IL1RAPL2: variants seen among roughly 807,000 people sequenced by gnomAD.
The protein encoded by IL1RAPL2 is interleukin 1 receptor accessory protein like 2, also known as X-linked interleukin-1 receptor accessory protein-like 2.
In IL1RAPL2, 3 loss-of-function variants were observed where a neutral mutation model predicts 44.1. The ratio of observed to expected loss-of-function variants is 0.07; its 90% CI spans 0.03 to 0.18. The LOEUF (loss-of-function observed/expected upper bound fraction) is 0.18. IL1RAPL2 is among the 10% of genes least tolerant of loss of function. The pLI is 1.00. For synonymous variants in IL1RAPL2, 181 were observed against 178.8 expected, an observed-to-expected ratio of 1.01 and a Z score of -0.10; for missense variants, 391 against 496.4, an observed-to-expected ratio of 0.79 and a Z score of 2.02.
chrX:105,209,833 GA>G (rs1191055229), intron 3 of IL1RAPL2, among the ~76,000 whole-genome samples: 3 of 110,221 alleles, frequency 2.7e-5, no homozygotes, highest in East Asian at 2.9e-4. Flanking sequence ...ATGTTTTACT[GA>G]AAAAAAAAGT....
In IL1RAPL2 at chrX:105,414,937, TG is replaced by T. The variant is rs1338802344; in HGVS notation, c.698-69375del. The stretch of plus-strand genomic sequence containing the variant: ...ATAATCAAATAAGATAATGTTTATG[TG>T]AACACATTATAAGCTATAATTTACT... On this transcript the variant is annotated intron_variant, in intron 5 of 10. Transcript: ENST00000372582. Among the ~76,000 whole-genome samples the T allele has an allele frequency of 5.3e-5, 6 of 112,318 alleles. No individual in the cohort carries two copies. The East Asian group carries it at 1.7e-3, about 31-fold the overall frequency.
intron 10 of IL1RAPL2, among the ~76,000 whole-genome samples, chrX:105,756,845 G>T (rs766656537): frequency 9.0e-6 from 1 of 111,085 alleles, no homozygotes; most frequent in African/African-American, 3.3e-5. Context: ...ATTCTTCTGT[G>T]TCTTTCTCCC....
chrX:104,910,596 A>C (rs1179739791), intron 2 of IL1RAPL2, among the ~76,000 whole-genome samples: 9 of 111,550 alleles, frequency 8.1e-5, no homozygotes, highest in African/African-American at 2.9e-4. Flanking sequence ...AATGTATTTT[A>C]AATACCTGAG....
intron 5 of IL1RAPL2, among the ~76,000 whole-genome samples, chrX:105,296,569 CTG>C (rs2034656017): frequency 8.9e-6 from 1 of 112,375 alleles, no homozygotes; most frequent in African/African-American, 3.2e-5. Flanking sequence ...TGACACAGTT[CTG>C]TCTTTTTCTT....
At chrX:104,645,797 G>A (rs745797302) in intron 1 of IL1RAPL2, among the ~76,000 whole-genome samples, 18 of 112,492 alleles carry the variant, frequency 1.6e-4, no homozygotes, top group Non-Finnish European at 3.0e-4. Flanking sequence ...GATCTTAGGA[G>A]CAAATCAGAC....
At chrX:105,083,774 T>C (rs147316134) in intron 2 of IL1RAPL2, among the ~76,000 whole-genome samples, 2,283 of 112,091 alleles carry the variant, frequency 0.02, 65 homozygotes, top group African/African-American at 0.068. Flanking sequence ...TGCTGAGATT[T>C]TGTCCCCACC....
intron 2 of IL1RAPL2, among the ~76,000 whole-genome samples, chrX:105,147,766 A>C (rs1290975959): frequency 8.9e-6 from 1 of 111,906 alleles, no homozygotes; most frequent in Non-Finnish European, 1.9e-5. Flanking sequence ...ACATTGGTTC[A>C]ACTTCTTGAC....
intron 1 of IL1RAPL2, among the ~76,000 whole-genome samples, chrX:104,621,762 G>A (rs1929405777): frequency 9.0e-6 from 1 of 111,663 alleles, no homozygotes; most frequent in Admixed American, 9.6e-5. Context: ...AGACAGGAGA[G>A]AAATGAAGAG....
chrX:104,890,658 T>A lies in IL1RAPL2; in HGVS notation c.82+231663T>A, dbSNP rs185013293. Among the ~76,000 whole-genome samples the A allele has an allele frequency of 3.8e-3, 422 of 112,382 alleles. 4 individuals are homozygous for A. The highest frequency in any genetic ancestry group is 0.013 in the African/African-American group (399 of 30,954). On this transcript the variant is annotated intron_variant, in intron 2 of 10. Coordinates refer to ENST00000372582, the MANE Select transcript of IL1RAPL2 (RefSeq NM_017416.2). Reference sequence around the variant, plus strand: ...TTTGATGGGATTGTCTGTTTTTTTCTTGTAAATTTGTTTGAGTTCTTTGTA... The same window carrying A: ...TTTGATGGGATTGTCTGTTTTTTTCATGTAAATTTGTTTGAGTTCTTTGTA...
rs149950677 is a variant in IL1RAPL2, at chrX:105,580,362, G to GTTTTT, written c.772+95989_772+95993dup. Among the ~76,000 whole-genome samples the GTTTTT allele has an allele frequency of 1.1e-4, 9 of 84,628 alleles. 2 individuals are homozygous for GTTTTT. Among genetic ancestry groups the GTTTTT allele is most frequent in the Non-Finnish European group, 9.4e-5 (4 of 42,660 alleles). The allele number at this position is 84,628 out of a possible 115,157, so 73.5% of individuals were successfully genotyped here. A position where few individuals can be genotyped will look rare whatever the true frequency, so the allele number is the denominator to read the frequency against. ...AACTGATGTTAAGTGAACCCCCCGT[G>GTTTTT]TTTTTTTTTTTTTTTTTTGCATACT... On this transcript the variant is annotated intron_variant, in intron 6 of 10. Coordinates refer to ENST00000372582, the MANE Select transcript of IL1RAPL2 (RefSeq NM_017416.2).
chrX:105,481,894 C>T (rs1039957660), intron 5 of IL1RAPL2, among the ~76,000 whole-genome samples: 1 of 111,991 alleles, frequency 8.9e-6, no homozygotes, highest in Non-Finnish European at 1.9e-5. Flanking sequence ...CCTTTCCTTA[C>T]CCACCACAGT....
At chrX:105,264,146 A>G (rs982142389) in intron 4 of IL1RAPL2, among the ~76,000 whole-genome samples, 10 of 110,383 alleles carry the variant, frequency 9.1e-5, no homozygotes, top group African/African-American at 3.3e-4. Context: ...AATCATGGGG[A>G]TGGTTTCCCC....
intron 2 of IL1RAPL2, among the ~76,000 whole-genome samples, chrX:105,125,311 G>C (rs2032963917): frequency 9.1e-6 from 1 of 110,213 alleles, no homozygotes; most frequent in African/African-American, 3.3e-5. Flanking sequence ...GTATAATAAG[G>C]CATTAGAGCT....
chrX:105,479,614 C>G (rs955528255), intron 5 of IL1RAPL2, among the ~76,000 whole-genome samples: 1 of 109,590 alleles, frequency 9.1e-6, no homozygotes, highest in African/African-American at 3.3e-5. Context: ...TGGTGCATGC[C>G]TGTAATCCCA....
intron 1 of IL1RAPL2, among the ~76,000 whole-genome samples, chrX:104,628,351 C>T (rs1289578144): frequency 9.0e-6 from 1 of 110,862 alleles, no homozygotes; most frequent in African/African-American, 3.3e-5. Context: ...TCCCCTAACA[C>T]CCACCCTTCC....
intron 2 of IL1RAPL2, among the ~76,000 whole-genome samples, chrX:104,952,418 A>G: frequency 8.9e-6 from 1 of 112,183 alleles, no homozygotes; most frequent in Non-Finnish European, 1.9e-5. Context: ...CTTGATAGAT[A>G]AAAGAGAGAG....
chrX:104,687,840 C>T (rs1409955735), intron 2 of IL1RAPL2, among the ~76,000 whole-genome samples: 1 of 111,602 alleles, frequency 9.0e-6, no homozygotes, highest in Non-Finnish European at 1.9e-5. Flanking sequence ...CTCAGCTAGA[C>T]TATTACAGTC....
At chrX:104,971,308 A>G (rs2030231276) in intron 2 of IL1RAPL2, among the ~76,000 whole-genome samples, 1 of 111,422 alleles carries the variant, frequency 9.0e-6, no homozygotes, top group African/African-American at 3.3e-5. Context: ...AGATTGCACC[A>G]CTGCATTGCA....
intron 6 of IL1RAPL2, among the ~76,000 whole-genome samples, chrX:105,690,185 T>A (rs1008810423): frequency 9.0e-5 from 10 of 110,814 alleles, no homozygotes; most frequent in African/African-American, 2.6e-4. Context: ...ACCTGCATGT[T>A]GTGCACATGT....
Sources: allele counts gnomAD v4.1 joint callset (sites outside exome capture counted in the v4.1 genomes callset), GRCh38; gene constraint gnomAD v4.1.1; transcripts MANE v1.5; gene names NCBI Gene and HGNC (gene_info 2026-07-23, HGNC 2026-07-21).